The following SEMA6D variants were observed in gnomAD, a reference collection of about 807,000 sequenced individuals.
SEMA6D encodes the protein semaphorin 6D, also known as semaphorin-6D.
SEMA6D carries 35 observed loss-of-function variants against 106.6 expected under a neutral mutation model. The ratio of observed to expected loss-of-function variants is 0.33; its 90% confidence interval spans 0.25 to 0.44. SEMA6D has a LOEUF of 0.44. SEMA6D is among the 20% of genes least tolerant of loss of function. The pLI is 1.00. For synonymous variants in SEMA6D, 499 were observed against 487.7 expected (o/e 1.02, Z -0.31); for missense variants, 1,185 against 1,345.9 (o/e 0.88, Z 1.87).
In SEMA6D at chr15:47,409,053, G is replaced by T. The variant is rs900900523; in HGVS notation, c.-238-3340G>T. ...TCAAGTATTATTGTCTGAGTGTGGG[G>T]TAAAATCCAGGACAAGAGAACCTAG... On this transcript the variant is annotated intron_variant, in intron 1 of 19. Transcript: ENST00000558014. 7.9e-5 allele frequency among the ~76,000 whole-genome samples: 12 copies of T among 152,214 alleles called. 1 individual carries two copies. The highest frequency in any genetic ancestry group is 2.9e-4 in the African/African-American group (12 of 41,448).
chr15:47,430,482 T>C (rs138527550), intron 2 of SEMA6D, among the ~76,000 whole-genome samples: 13 of 151,808 alleles, frequency 8.6e-5, no homozygotes, highest in African/African-American at 2.9e-4. Flanking sequence ...AAATAAAATA[T>C]ATATTTTTTA....
chr15:47,647,731 A>C (rs1021264287), intron 4 of SEMA6D, among the ~76,000 whole-genome samples: 2 of 152,268 alleles, frequency 1.3e-5, no homozygotes, highest in Non-Finnish European at 2.9e-5. Context: ...AAAAAAAAAA[A>C]AAAATCAGCA....
chr15:47,311,991 A>G (rs563990576), intron 1 of SEMA6D, among the ~76,000 whole-genome samples: 2 of 152,078 alleles, frequency 1.3e-5, no homozygotes, highest in Admixed American at 1.3e-4. Context: ...ATAGCACCTT[A>G]CTGGTATTAG....
intron 1 of SEMA6D, among the ~76,000 whole-genome samples, chr15:47,258,903 G>A (rs1595565389): frequency 6.6e-6 from 1 of 151,476 alleles, no homozygotes; most frequent in East Asian, 1.9e-4. Context: ...TTCTTCCTCT[G>A]TTTTTCTTTC....
intron 3 of SEMA6D, among the ~76,000 whole-genome samples, chr15:47,480,097 A>T (rs1279790768): frequency 6.6e-6 from 1 of 151,088 alleles, no homozygotes; most frequent in Non-Finnish European, 1.5e-5. Flanking sequence ...TGCTCAAGTG[A>T]TCCACCCACC....
intron 1 of SEMA6D, among the ~76,000 whole-genome samples, chr15:47,307,855 G>A (rs555439700): frequency 4.5e-4 from 68 of 152,174 alleles, no homozygotes; most frequent in African/African-American, 1.6e-3. Context: ...ACTTAAAACC[G>A]TATTCTCAAA....
At chr15:47,638,114 C>CAAA (rs11429221) in intron 4 of SEMA6D, among the ~76,000 whole-genome samples, 1 of 150,820 alleles carries the variant, frequency 6.6e-6, no homozygotes, top group Non-Finnish European at 1.5e-5. Context: ...GTATCTTAGA[C>CAAA]AAAAAAAAAC....
At chr15:47,330,726 T>C (rs659557) in intron 1 of SEMA6D, among the ~76,000 whole-genome samples, 1 of 152,006 alleles carries the variant, frequency 6.6e-6, no homozygotes, top group African/African-American at 2.4e-5. Context: ...CAAGAAAGAA[T>C]GTTGTGGGAT....
At chr15:47,578,324 A>G (rs547394745) in intron 3 of SEMA6D, among the ~76,000 whole-genome samples, 1 of 152,210 alleles carries the variant, frequency 6.6e-6, no homozygotes, top group Non-Finnish European at 1.5e-5. Context: ...AAGAAAGTTT[A>G]CCCTTGTTCT....
rs577094592 is a variant in SEMA6D, at chr15:47,285,334, A to T, written c.-239+100916A>T. Among the ~76,000 whole-genome samples the T allele has an allele frequency of 3.3e-5, 5 of 152,278 alleles. No individual in the cohort carries two copies. The East Asian group carries it at 7.7e-4, about 24-fold the overall frequency. On this transcript the variant is annotated intron_variant, in intron 1 of 19. Transcript: ENST00000558014. ...GAAATATATAATCTCCAGCAAGGAC[A>T]GATCACAAAGATGGCCTCTGTCTTT... is the stretch of plus-strand genomic sequence containing the variant.
intron 1 of SEMA6D, among the ~76,000 whole-genome samples, chr15:47,277,676 T>C (rs2034892535): frequency 6.6e-6 from 1 of 151,394 alleles, no homozygotes; most frequent in Admixed American, 6.6e-5. Context: ...GTTAGTTACA[T>C]ATGTATACAT....
chr15:47,718,037 G>T (rs879757303), intron 1 of SEMA6D, among the ~76,000 whole-genome samples: 3 of 152,148 alleles, frequency 2.0e-5, no homozygotes, highest in Non-Finnish European at 4.4e-5. Flanking sequence ...CCTCCACTGT[G>T]CACCCCCTTG....
chr15:47,570,272 C>T (rs941914346), intron 3 of SEMA6D, among the ~76,000 whole-genome samples: 1 of 152,118 alleles, frequency 6.6e-6, no homozygotes, highest in Non-Finnish European at 1.5e-5. Context: ...GACCTGTGGA[C>T]TCATAAAGGC....
intron 2 of SEMA6D, among the ~76,000 whole-genome samples, chr15:47,437,090 G>A (rs566685676): frequency 3.3e-4 from 50 of 151,306 alleles, no homozygotes; most frequent in African/African-American, 1.1e-3. Context: ...AAGAGAGGAT[G>A]GTTTGGTTGT....
At position 47,281,320 on chromosome 15, in the gene SEMA6D, A is replaced by T. The variant is rs552926866; in HGVS notation, c.-239+96902A>T. Among the ~76,000 whole-genome samples, 19 of 119,528 alleles carry T rather than the reference A, an allele frequency of 1.6e-4. No individual in the cohort carries two copies. In the East Asian group the frequency reaches 4.6e-3, roughly 29 times the overall value. The allele number at this position is 119,528 out of a possible 152,430, so 78.4% of individuals were successfully genotyped here. ...TCTCTTTTGATCTTTGTTGGTTTAAAGTCTGTTTTATCAGAGACTTGGATT... is the reference window on the plus strand; with the variant it reads ...TCTCTTTTGATCTTTGTTGGTTTAATGTCTGTTTTATCAGAGACTTGGATT... On this transcript the variant is annotated intron_variant, in intron 1 of 19. Coordinates refer to the SEMA6D transcript ENST00000558014.
At chr15:47,263,210 A>G (rs1328403834) in intron 1 of SEMA6D, among the ~76,000 whole-genome samples, 1 of 152,192 alleles carries the variant, frequency 6.6e-6, no homozygotes, top group African/African-American at 2.4e-5. Context: ...TTCTAATTAA[A>G]CTAAACAGCC....
chr15:47,203,990 C>T (rs1192652937), intron 1 of SEMA6D, among the ~76,000 whole-genome samples: 1 of 152,060 alleles, frequency 6.6e-6, no homozygotes, highest in Non-Finnish European at 1.5e-5. Context: ...TAGCAGTAAC[C>T]ATAAGCTATT....
chr15:47,604,874 T>A (rs2076744327), intron 4 of SEMA6D, among the ~76,000 whole-genome samples: 1 of 151,130 alleles, frequency 6.6e-6, no homozygotes, highest in African/African-American at 2.4e-5. Context: ...TAATTTTTTT[T>A]TTTTTGTATT....
chr15:47,560,350 A>G (rs934780426), intron 3 of SEMA6D, among the ~76,000 whole-genome samples: 1 of 152,074 alleles, frequency 6.6e-6, no homozygotes, highest in Non-Finnish European at 1.5e-5. Context: ...ACAAATAGAG[A>G]ATTTCAATGA....
Sources: gnomAD v4.1 joint callset for allele counts (sites outside exome capture counted in the v4.1 genomes callset) on GRCh38, gnomAD v4.1.1 for gene constraint, MANE v1.5 for transcripts, NCBI Gene and HGNC (gene_info 2026-07-23, HGNC 2026-07-21) for gene names.